The following DNM3 variants were observed in gnomAD, a reference collection of about 807,000 sequenced individuals.
DNM3 encodes the protein dynamin-3.
A neutral mutation model predicts 101.6 loss-of-function variants in DNM3; 47 were observed. That is an observed-to-expected ratio of 0.46 (90% CI 0.37 to 0.59). DNM3 has a LOEUF of 0.59. Among genes scored for constraint, DNM3 ranks in the 20% least tolerant of loss-of-function variants. The probability of loss-of-function intolerance (pLI) is 0.00; values close to 1 mark genes in which losing one functional copy is unlikely to be tolerated. For missense variants in DNM3, 849 were observed against 1,085.7 expected (o/e 0.78, Z 3.06); for synonymous variants, 385 against 387.9 (o/e 0.99, Z 0.09).
At chr1:172,200,382 T>C (rs2060110430) in intron 14 of DNM3, among the ~76,000 whole-genome samples, 1 of 152,084 alleles carries the variant, frequency 6.6e-6, no homozygotes, top group South Asian at 2.1e-4. Flanking sequence ...AGTTATGGCC[T>C]TAGGATAATC....
At chr1:172,143,327 A>G (rs1279517815) in intron 14 of DNM3, among the ~76,000 whole-genome samples, 1 of 152,148 alleles carries the variant, frequency 6.6e-6, no homozygotes, top group African/African-American at 2.4e-5. Context: ...ATTATATAGA[A>G]TTGTTTCGGA....
At chr1:172,385,932 G>A (rs1162870821) in intron 18 of DNM3, among the ~76,000 whole-genome samples, 1 of 152,128 alleles carries the variant, frequency 6.6e-6, no homozygotes, top group Non-Finnish European at 1.5e-5. Context: ...ACTTTTTTAA[G>A]CACTCAATCA....
intron 1 of DNM3, among the ~76,000 whole-genome samples, chr1:171,913,427 A>G (rs1229827072): frequency 1.3e-5 from 2 of 152,240 alleles, no homozygotes; most frequent in Non-Finnish European, 2.9e-5. Context: ...AATATTCTTA[A>G]TATATGCCAA....
At chr1:172,173,414 C>T (rs1277239556) in intron 14 of DNM3, among the ~76,000 whole-genome samples, 1 of 151,284 alleles carries the variant, frequency 6.6e-6, no homozygotes, top group African/African-American at 2.4e-5. Context: ...TTTGGATATA[C>T]TGAGATTTAC....
chr1:171,987,381 T>C (rs1428100266), intron 2 of DNM3: 1 of 895,274 alleles, frequency 1.1e-6, no homozygotes, highest in African/African-American at 1.8e-5. Flanking sequence ...CAAAATTTTC[T>C]TTAAATTATT....
At chr1:171,889,463 T>C (rs1453979001) in intron 1 of DNM3, among the ~76,000 whole-genome samples, 2 of 152,210 alleles carry the variant, frequency 1.3e-5, no homozygotes, top group East Asian at 3.8e-4. Flanking sequence ...AAGTGGCTTT[T>C]AATTAAAATG....
At chr1:172,196,692 G>T (rs1161501557) in intron 14 of DNM3, among the ~76,000 whole-genome samples, 1 of 151,820 alleles carries the variant, frequency 6.6e-6, no homozygotes, top group Admixed American at 6.6e-5. Context: ...TTATTGACCA[G>T]ATGTATGTCT....
At chr1:171,945,503 A>G (rs1352038424) in intron 2 of DNM3, among the ~76,000 whole-genome samples, 1 of 152,234 alleles carries the variant, frequency 6.6e-6, no homozygotes, top group Non-Finnish European at 1.5e-5. Flanking sequence ...TTGTTTAGCA[A>G]GTAATTATGA....
chr1:172,316,960 C>T (rs2065402019), intron 16 of DNM3, among the ~76,000 whole-genome samples: 1 of 152,140 alleles, frequency 6.6e-6, no homozygotes, highest in Non-Finnish European at 1.5e-5. Context: ...CGCACCACAC[C>T]TATTCCAAAA....
At chr1:172,131,077 C>A in intron 13 of DNM3, 98 bp from the exon 14 acceptor site, 1 of 971,138 alleles carries the variant, frequency 1.0e-6, no homozygotes, top group Non-Finnish European at 1.6e-6. Flanking sequence ...ATTTTTATTG[C>A]AATTAATATC....
intron 20 of DNM3, among the ~76,000 whole-genome samples, chr1:172,391,099 A>C (rs2069502614): frequency 6.6e-6 from 1 of 152,248 alleles, no homozygotes; most frequent in African/African-American, 2.4e-5. Context: ...GCACATGGGC[A>C]GCAGGGCTTA....
chr1:171,842,120 C>G (rs759692745), intron 1 of DNM3, among the ~76,000 whole-genome samples: 60 of 152,274 alleles, frequency 3.9e-4, no homozygotes, highest in Non-Finnish European at 7.1e-4. Flanking sequence ...AGGGGTCCGC[C>G]CCGGGCTCGA....
intron 14 of DNM3, among the ~76,000 whole-genome samples, chr1:172,176,349 G>A (rs1055321085): frequency 1.3e-5 from 2 of 151,842 alleles, no homozygotes; most frequent in Non-Finnish European, 2.9e-5. Flanking sequence ...CTGGTCATAG[G>A]AATGCAGCTC....
intron 20 of DNM3, chr1:172,393,835 T>C (rs1415472311): frequency 6.6e-6 from 1 of 152,646 alleles, no homozygotes; most frequent in Non-Finnish European, 1.5e-5. Flanking sequence ...TTACTAAGAA[T>C]AGAAACAACT....
At chr1:172,239,089 T>C (rs74868563) in intron 14 of DNM3, among the ~76,000 whole-genome samples, 1 of 152,130 alleles carries the variant, frequency 6.6e-6, no homozygotes, top group Non-Finnish European at 1.5e-5. Context: ...TCTCTCTATA[T>C]GGCTATGGAC....
chr1:172,301,012 G>A (rs1029561102), intron 15 of DNM3, among the ~76,000 whole-genome samples: 2 of 152,212 alleles, frequency 1.3e-5, no homozygotes, highest in East Asian at 1.9e-4. Context: ...TGACTCTGGG[G>A]AAGGTCTAGA....
At chr1:171,932,896 A>C (rs2041138611) in intron 2 of DNM3, among the ~76,000 whole-genome samples, 2 of 152,198 alleles carry the variant, frequency 1.3e-5, no homozygotes, top group African/African-American at 4.8e-5. Flanking sequence ...TAGACATGGG[A>C]AAATATTCTT....
At chr1:172,122,248 A>G (rs1218026452) in intron 13 of DNM3, among the ~76,000 whole-genome samples, 1 of 152,156 alleles carries the variant, frequency 6.6e-6, no homozygotes, top group Non-Finnish European at 1.5e-5. Flanking sequence ...ATATATTACA[A>G]TTTTTTCCCT....
intron 2 of DNM3, chr1:171,987,309 G>A (rs867373123): frequency 1.0e-6 from 1 of 985,154 alleles, no homozygotes; most frequent in Non-Finnish European, 1.2e-6. Context: ...GAACTCAGAG[G>A]TATCCCAGAT....
Sources: allele counts gnomAD v4.1 joint callset (sites outside exome capture counted in the v4.1 genomes callset), GRCh38; gene constraint gnomAD v4.1.1; transcripts MANE v1.5; gene names NCBI Gene and HGNC (gene_info 2026-07-23, HGNC 2026-07-21).